Variants in PDGFRA observed in about 807,000 individuals in gnomAD.
The protein encoded by PDGFRA is platelet-derived growth factor receptor alpha.
A neutral mutation model predicts 121.5 loss-of-function variants in PDGFRA; 25 were observed. That is an observed-to-expected ratio of 0.21 (90% CI 0.15 to 0.29). PDGFRA has a LOEUF of 0.29. Among genes scored for constraint, PDGFRA ranks in the 10% least tolerant of loss-of-function variants. The pLI is 1.00. For missense variants in PDGFRA, 1,008 were observed against 1,345.1 expected (o/e 0.75, Z 3.92); for synonymous variants, 463 against 494.8 (o/e 0.94, Z 0.85).
rs1723288050 is a variant in PDGFRA, at chr4:54,270,628, A to G, written c.1122-5A>G. ...CTTGTTGAAACAAAATCCTTTTTTT[A>G]AAAGGTATCGAAGCAAATTAAAGCT... On this transcript the variant is annotated splice_polypyrimidine_tract_variant and splice_region_variant and intron_variant, in intron 7 of 22. Coordinates refer to ENST00000257290, the MANE Select transcript of PDGFRA (RefSeq NM_006206.6). The G allele has an allele frequency of 6.5e-7, 1 of 1,535,544 alleles. No individual in the cohort carries two copies. Among genetic ancestry groups the G allele is most frequent in the Non-Finnish European group, 9.0e-7 (1 of 1,109,148 alleles).
intron 1 of PDGFRA, among the ~76,000 whole-genome samples, chr4:54,249,726 G>A (rs569783168): frequency 6.6e-6 from 1 of 151,850 alleles, no homozygotes; most frequent in Non-Finnish European, 1.5e-5. Flanking sequence ...CATGGCACAT[G>A]TATACATATG....
At chr4:54,236,801 T>TA (rs1721041311) in intron 1 of PDGFRA, among the ~76,000 whole-genome samples, 1 of 151,226 alleles carries the variant, frequency 6.6e-6, no homozygotes, top group Admixed American at 6.6e-5. Flanking sequence ...AGACTCCATC[T>TA]AAAAAAAGAA....
At chr4:54,247,807 G>T (rs943944368) in intron 1 of PDGFRA, among the ~76,000 whole-genome samples, 8 of 152,172 alleles carry the variant, frequency 5.3e-5, no homozygotes, top group Non-Finnish European at 7.3e-5. Flanking sequence ...TGACATGATT[G>T]TATATCTAGA....
At position 54,295,976 on chromosome 4, in the gene PDGFRA, A is replaced by G. The variant is rs981812446; in HGVS notation, c.*704A>G. On this transcript the variant is annotated 3_prime_UTR_variant, in exon 23 of 23. Coordinates refer to ENST00000257290, the MANE Select transcript of PDGFRA (RefSeq NM_006206.6). Reference sequence around the variant, plus strand: ...AATGCTAAATGTGTAATAATGTAACATGATTTCCCTCCAGAGAAAGCACAA... The same window carrying G: ...AATGCTAAATGTGTAATAATGTAACGTGATTTCCCTCCAGAGAAAGCACAA... 2 of 232,776 alleles carry G rather than the reference A, an allele frequency of 8.6e-6. No homozygotes were observed. Among genetic ancestry groups the G allele is most frequent in the Admixed American group, 5.6e-5 (1 of 17,772 alleles). The allele number at this position is 232,776 out of a possible 1,614,324, so 14.4% of individuals were successfully genotyped here.
intron 8 of PDGFRA, among the ~76,000 whole-genome samples, chr4:54,271,371 C>T (rs879926661): frequency 6.6e-6 from 1 of 152,162 alleles, no homozygotes; most frequent in Non-Finnish European, 1.5e-5. Flanking sequence ...TTTATTTGAC[C>T]ACAGATTTAG....
intron 1 of PDGFRA, among the ~76,000 whole-genome samples, chr4:54,242,260 A>AT (rs202106297): frequency 0.019 from 2,836 of 150,958 alleles, 96 homozygotes; most frequent in African/African-American, 0.066. Context: ...TCTCACTTGA[A>AT]TTTTTTTTTC....
At chr4:54,244,691 A>G (rs1721521555) in intron 1 of PDGFRA, among the ~76,000 whole-genome samples, 1 of 152,260 alleles carries the variant, frequency 6.6e-6, no homozygotes, top group African/African-American at 2.4e-5. Context: ...GCAGCTCCTC[A>G]CCAGCAATGG....
At chr4:54,249,683 C>G (rs1721934333) in intron 1 of PDGFRA, among the ~76,000 whole-genome samples, 1 of 151,860 alleles carries the variant, frequency 6.6e-6, no homozygotes, top group African/African-American at 2.4e-5. Flanking sequence ...ATACCTCGTG[C>G]TAAATGACGA....
intron 16 of PDGFRA, chr4:54,281,700 G>T (rs768449520): frequency 1.5e-5 from 21 of 1,362,916 alleles, no homozygotes; most frequent in African/African-American, 7.2e-5. Flanking sequence ...AAAAAATCGT[G>T]AATGGCTAGA....
chr4:54,295,046 CGTTT>C (rs1045543697), intron 22 of PDGFRA, 75 bp from the exon 23 acceptor site: 12 of 1,428,798 alleles, frequency 8.4e-6, no homozygotes, highest in African/African-American at 1.4e-5. Flanking sequence ...CAAAGGCTTT[CGTTT>C]GTCTCTGGGG....
At chr4:54,247,456 C>G (rs147558377) in intron 1 of PDGFRA, among the ~76,000 whole-genome samples, 19,917 of 152,076 alleles carry the variant, frequency 0.13, 1,842 homozygotes, top group Admixed American at 0.28. Context: ...TAAACAGAAC[C>G]AAAGACAAAA....
chr4:54,247,685 C>T (rs1293168545), intron 1 of PDGFRA, among the ~76,000 whole-genome samples: 1 of 152,178 alleles, frequency 6.6e-6, no homozygotes, highest in Non-Finnish European at 1.5e-5. Context: ...GCTCTCTCAC[C>T]ACTCCTATTC....
chr4:54,268,448 CAA>C (rs1723159719), intron 7 of PDGFRA, among the ~76,000 whole-genome samples: 1 of 152,072 alleles, frequency 6.6e-6, no homozygotes, highest in South Asian at 2.1e-4. Flanking sequence ...GATTAGAACC[CAA>C]GAGTCAGAAG....
intron 15 of PDGFRA, 194 bp downstream of exon 15, chr4:54,278,709 G>T: frequency 1.5e-6 from 1 of 666,724 alleles, no homozygotes; most frequent in Non-Finnish European, 2.7e-6. Flanking sequence ...TTTGGACTGG[G>T]GTGTCACATG....
chr4:54,263,673 A>C lies in PDGFRA; in HGVS notation c.374A>C (p.Asp125Ala), dbSNP rs1167372221. ...ATTCTTTTTTAAACCACAGACCCAG[A>C]TGTAGCCTTTGTACCTCTAGGAATG... ...RHIYIYVPDP[D>A]VAFVPLGMTD... The change falls in exon 4 of 23, where the codon GAT (aspartate) becomes GCT (alanine). Residue 125 changes from aspartate to alanine, a missense_variant. By Grantham distance (126) the Asp-to-Ala change is moderately radical. This residue lies in a region of PDGFRA where 575 missense variants were observed against 701.8 expected (regional missense o/e 0.82). Transcript: ENST00000257290. 1 of 1,613,750 alleles carries C rather than the reference A, an allele frequency of 6.2e-7. No individual in the cohort carries two copies. The highest frequency in any genetic ancestry group is 1.7e-5 in the Admixed American group (1 of 59,992).
chr4:54,276,308 C>A (rs1177165353), intron 12 of PDGFRA, among the ~76,000 whole-genome samples: 4 of 146,382 alleles, frequency 2.7e-5, no homozygotes, highest in Non-Finnish European at 5.9e-5. Context: ...AGTAGAAATT[C>A]CCCCAGTTTC....
intron 13 of PDGFRA, 125 bp from the exon 14 acceptor site, chr4:54,277,771 T>A (rs1254240892): frequency 1.3e-6 from 1 of 745,950 alleles, no homozygotes; most frequent in East Asian, 2.7e-5. Flanking sequence ...AGCTATCTGC[T>A]TCTTTTAGAC....
chr4:54,275,247 A>C (rs1723656065), intron 12 of PDGFRA, among the ~76,000 whole-genome samples: 2 of 152,162 alleles, frequency 1.3e-5, no homozygotes, highest in Non-Finnish European at 2.9e-5. Flanking sequence ...TACCCACCAA[A>C]ATTGCTTTTC....
At chr4:54,272,346 T>C (rs764736602) in intron 8 of PDGFRA, 48 bp from the exon 9 acceptor site, 1 of 1,608,750 alleles carries the variant, frequency 6.2e-7, no homozygotes, top group Non-Finnish European at 8.5e-7. Context: ...GTCTCATATG[T>C]TCTGGGACAC....
Sources: gnomAD v4.1 joint callset for allele counts (sites outside exome capture counted in the v4.1 genomes callset) on GRCh38, gnomAD v4.1.1 for gene constraint, gnomAD v4.1.1 regional missense constraint, MANE v1.5 for transcripts, NCBI Gene and HGNC (gene_info 2026-07-23, HGNC 2026-07-21) for gene names.